PDS5A: variants seen among roughly 807,000 people sequenced by gnomAD.
PDS5A encodes sister chromatid cohesion protein PDS5 homolog A.
In PDS5A, 42 loss-of-function variants were observed where a neutral mutation model predicts 167.1. The ratio of observed to expected loss-of-function variants is 0.25; its 90% CI spans 0.20 to 0.33. The LOEUF is 0.33. PDS5A is among the 10% of genes least tolerant of loss of function. The pLI, the probability that PDS5A is intolerant of heterozygous loss-of-function variation, is 1.00. For missense variants in PDS5A, 1,033 were observed against 1,605.9 expected, an observed-to-expected ratio of 0.64 and a Z score of 6.10; for synonymous variants, 553 against 554.6, an observed-to-expected ratio of 1.00 and a Z score of 0.04.
chr4:39,963,783 C>CCGTGAT (rs1338145868), intron 2 of PDS5A, among the ~76,000 whole-genome samples: 1 of 151,402 alleles, frequency 6.6e-6, no homozygotes, highest in Admixed American at 6.6e-5. Context: ...CAGCAGTGAG[C>CCGTGAT]CGTGATCACA....
At chr4:39,937,304 C>A (rs1417300648) in intron 2 of PDS5A, among the ~76,000 whole-genome samples, 2 of 151,776 alleles carry the variant, frequency 1.3e-5, no homozygotes, top group African/African-American at 4.8e-5. Context: ...AGGCTCTGTG[C>A]CAAGAATCAG....
chr4:39,839,932 A>G (rs1716815447), intron 31 of PDS5A, among the ~76,000 whole-genome samples: 2 of 151,940 alleles, frequency 1.3e-5, no homozygotes, highest in Admixed American at 6.6e-5. Context: ...CGTCTCTACT[A>G]AAAATACAAA....
At chr4:39,838,325 A>G in intron 31 of PDS5A, 117 bp from the exon 32 acceptor site, 1 of 718,710 alleles carries the variant, frequency 1.4e-6, no homozygotes, top group East Asian at 2.7e-5. Context: ...GCTTCCAGTT[A>G]ACTGCTTACA....
At chr4:39,886,631 C>T (rs989848121) in intron 17 of PDS5A, among the ~76,000 whole-genome samples, 8 of 151,450 alleles carry the variant, frequency 5.3e-5, no homozygotes, top group East Asian at 3.9e-4. Flanking sequence ...GAGAATTGCT[C>T]GAACACAGGA....
intron 5 of PDS5A, among the ~76,000 whole-genome samples, chr4:39,923,342 A>C (rs1177827607): frequency 6.7e-6 from 1 of 149,480 alleles, no homozygotes; most frequent in South Asian, 2.1e-4. Flanking sequence ...AAAAAAAAAA[A>C]AAAAGAAAAA....
intron 2 of PDS5A, among the ~76,000 whole-genome samples, chr4:39,946,291 T>A (rs947492510): frequency 6.7e-6 from 1 of 148,304 alleles, no homozygotes; most frequent in Non-Finnish European, 1.5e-5. Context: ...AAAAGGCAGA[T>A]GGAATTAATT....
intron 23 of PDS5A, among the ~76,000 whole-genome samples, chr4:39,864,192 A>T (rs919023717): frequency 4.7e-5 from 7 of 150,080 alleles, no homozygotes; most frequent in South Asian, 2.1e-4. Context: ...ACAAAGAATT[A>T]AAAAAAAAAT....
At chr4:39,857,351 C>CAAAAAAAAAAAAAA (rs1188060445) in intron 26 of PDS5A, among the ~76,000 whole-genome samples, 1 of 67,750 alleles carries the variant, frequency 1.5e-5, no homozygotes, top group African/African-American at 5.3e-5. Flanking sequence ...GACTCCATCT[C>CAAAAAAAAAAAAAA]AAAAAAAAAA....
intron 32 of PDS5A, among the ~76,000 whole-genome samples, chr4:39,834,445 C>T (rs979100365): frequency 6.6e-6 from 1 of 152,210 alleles, no homozygotes; most frequent in African/African-American, 2.4e-5. Context: ...TGTTCTCGCT[C>T]ATTCCTCTCA....
Position 39,900,614 on chromosome 4 carries a change from C to G in PDS5A, c.1500-107G>C. 17 of 692,264 alleles carry G rather than the reference C, an allele frequency of 2.5e-5. No individual in the cohort carries two copies. The South Asian group carries it at 2.7e-4, about 11-fold the overall frequency. 42.9% of individuals were successfully genotyped at this position (692,264 alleles called of 1,614,324 possible). A position where few individuals can be genotyped will look rare whatever the true frequency, so the allele number is the denominator to read the frequency against. ...CTGTATATACACCATTCTTCTACATCTACCTAAAAGTTTAAATACCGGGAA... is the reference window on the plus strand; with the variant it reads ...CTGTATATACACCATTCTTCTACATGTACCTAAAAGTTTAAATACCGGGAA... On this transcript the variant is annotated intron_variant, in intron 13 of 32. Coordinates refer to ENST00000303538, the MANE Select transcript of PDS5A (RefSeq NM_001100399.2).
intron 32 of PDS5A, among the ~76,000 whole-genome samples, chr4:39,835,028 T>C (rs988711186): frequency 6.6e-6 from 1 of 152,198 alleles, no homozygotes; most frequent in African/African-American, 2.4e-5. Flanking sequence ...TGGAGTGCAG[T>C]GGCACAATCT....
chr4:39,899,887 C>T (rs915533787), intron 14 of PDS5A, among the ~76,000 whole-genome samples: 8 of 150,042 alleles, frequency 5.3e-5, no homozygotes, highest in Admixed American at 1.3e-4. Flanking sequence ...AAAGTTTGCC[C>T]GCCCCTGTTC....
chr4:39,902,745 ACT>A (rs1722988944), intron 12 of PDS5A, among the ~76,000 whole-genome samples: 1 of 151,554 alleles, frequency 6.6e-6, no homozygotes, highest in East Asian at 1.9e-4. Context: ...CTGATCTGGA[ACT>A]CCTGAGCTCA....
chr4:39,891,633 A>G (rs1195776780), intron 16 of PDS5A, among the ~76,000 whole-genome samples: 2 of 151,864 alleles, frequency 1.3e-5, no homozygotes, highest in East Asian at 2.0e-4. Flanking sequence ...GGGGAACAAG[A>G]GCAACTCCAT....
intron 17 of PDS5A, among the ~76,000 whole-genome samples, chr4:39,885,200 G>A (rs983678610): frequency 8.9e-5 from 13 of 145,582 alleles, no homozygotes; most frequent in Middle Eastern, 3.5e-3. Context: ...AGCTGAGATC[G>A]TGACACTGCA....
At chr4:39,884,857 C>T (rs1450744201) in intron 17 of PDS5A, among the ~76,000 whole-genome samples, 1 of 152,114 alleles carries the variant, frequency 6.6e-6, no homozygotes, top group Non-Finnish European at 1.5e-5. Flanking sequence ...TCATCTACTT[C>T]CTATAGACCA....
chr4:39,869,201 T>A (rs1719809199), intron 22 of PDS5A, among the ~76,000 whole-genome samples, 193 bp downstream of exon 22: 1 of 152,336 alleles, frequency 6.6e-6, no homozygotes, highest in Non-Finnish European at 1.5e-5. Context: ...CTAGGCACGA[T>A]GGCTTAAGCT....
chr4:39,830,098 T>A (rs529831464), intron 32 of PDS5A, among the ~76,000 whole-genome samples: 11 of 151,526 alleles, frequency 7.3e-5, no homozygotes, highest in African/African-American at 2.4e-4. Flanking sequence ...CTGAGCAAGG[T>A]CCGTTCAGGT....
intron 2 of PDS5A, among the ~76,000 whole-genome samples, chr4:39,950,415 C>A (rs1401337557): frequency 6.6e-6 from 1 of 151,422 alleles, no homozygotes; most frequent in African/African-American, 2.4e-5. Context: ...GGTGACAGAG[C>A]AAGACTCTGT....
Sources: gnomAD v4.1 joint callset for allele counts (sites outside exome capture counted in the v4.1 genomes callset) on GRCh38, gnomAD v4.1.1 for gene constraint, MANE v1.5 for transcripts, NCBI Gene and HGNC (gene_info 2026-07-23, HGNC 2026-07-21) for gene names.